The following ARG2 variants were observed in gnomAD, a reference collection of about 807,000 sequenced individuals.
The protein encoded by ARG2 is arginase 2.
Under a neutral mutation model 39.4 loss-of-function variants are expected in ARG2, and 21 were observed. That is an observed-to-expected ratio of 0.53 (90% CI 0.38 to 0.77). The LOEUF (loss-of-function observed/expected upper bound fraction) is 0.77, where lower values mean the gene tolerates loss of function less well. ARG2 is among the 30% of genes least tolerant of loss of function. ARG2 has a pLI of 0.00. For synonymous variants in ARG2, 150 were observed against 156.7 expected, an observed-to-expected ratio of 0.96 and a Z score of 0.32; for missense variants, 378 against 426.2, an observed-to-expected ratio of 0.89 and a Z score of 1.00.
chr14:67,623,534 CTTTTTTTTTTTT>C (rs60604937), intron 2 of ARG2, among the ~76,000 whole-genome samples: 2 of 82,924 alleles, frequency 2.4e-5, no homozygotes, highest in East Asian at 3.8e-4. Flanking sequence ...CTCAGGTAAC[CTTTTTTTTTTTT>C]TTTTTTTTTT....
chr14:67,620,179 G>A (rs974205672), intron 1 of ARG2, 91 bp downstream of exon 1: 3 of 915,078 alleles, frequency 3.3e-6, no homozygotes, highest in Non-Finnish European at 4.8e-6. Flanking sequence ...ACCGGGAGGC[G>A]AGGAGAGGAT....
At position 67,624,570 on chromosome 14, in the gene ARG2, A is replaced by T. The variant is rs370879567; in HGVS notation, c.184+3604A>T. Among the ~76,000 whole-genome samples, 6 of 152,250 alleles carry T rather than the reference A, an allele frequency of 3.9e-5. No individual in the cohort carries two copies. In the East Asian group the frequency reaches 5.8e-4, roughly 15 times the overall value. On this transcript the variant is annotated intron_variant, in intron 2 of 7. Transcript: ENST00000261783. ...GACAGCGAAGAGGGAGGTGATACAC[A>T]CTTTTAACCGGATCTCATGAGAACT... is the stretch of plus-strand genomic sequence containing the variant.
rs1384633967 is a variant in ARG2 at position 67,619,973 on chromosome 14, G to C, written c.-5G>C. The C allele has an allele frequency of 1.3e-6, 2 of 1,581,530 alleles. No individual in the cohort carries two copies. Among genetic ancestry groups the C allele is most frequent in the Non-Finnish European group, 1.7e-6 (2 of 1,164,050 alleles). Reference sequence around the variant, plus strand: ...CTGCCTTGGAGATTCTCAGTGCTGCGGATCATGTCCCTAAGGGGCAGCCTC... The same window carrying C: ...CTGCCTTGGAGATTCTCAGTGCTGCCGATCATGTCCCTAAGGGGCAGCCTC... On this transcript the variant is annotated 5_prime_UTR_variant, in exon 1 of 8. Transcript: ENST00000261783.
intron 2 of ARG2, among the ~76,000 whole-genome samples, chr14:67,634,255 C>G (rs1420941078): frequency 3.3e-5 from 5 of 151,994 alleles, no homozygotes; most frequent in Non-Finnish European, 7.4e-5. Context: ...ACGTATGACT[C>G]AAAGGATAAC....
chr14:67,648,186 A>C lies in ARG2; in HGVS notation c.859+3A>C. 6.2e-7 allele frequency: 1 copy of C among 1,612,466 alleles called. No individual in the cohort carries two copies. Among genetic ancestry groups the C allele is most frequent in the Non-Finnish European group, 8.5e-7 (1 of 1,178,994 alleles). On this transcript the variant is annotated splice_donor_region_variant and intron_variant, in intron 7 of 7. Coordinates refer to ENST00000261783, the MANE Select transcript of ARG2 (RefSeq NM_001172.4). ...TGCTGAGGAAATACACAATACAGGT[A>C]TGTAGCAACCAGGTCTGCAGCCTGT...
At chr14:67,628,081 G>C (rs1438174574) in intron 2 of ARG2, among the ~76,000 whole-genome samples, 1 of 152,224 alleles carries the variant, frequency 6.6e-6, no homozygotes, top group Non-Finnish European at 1.5e-5. Flanking sequence ...ACCTGTAGCA[G>C]AGGAATAGGA....
At chr14:67,633,366 T>G (rs56136087) in intron 2 of ARG2, among the ~76,000 whole-genome samples, 10,867 of 152,250 alleles carry the variant, frequency 0.071, 484 homozygotes, top group Admixed American at 0.12. Flanking sequence ...TATGACATAT[T>G]CTATGGCGAT....
chr14:67,645,897 A>G, intron 4 of ARG2, 95 bp downstream of exon 4: 3 of 1,390,938 alleles, frequency 2.2e-6, no homozygotes, highest in Non-Finnish European at 3.0e-6. Flanking sequence ...GGGTGGGTTG[A>G]GTGTGGATTA....
intron 2 of ARG2, among the ~76,000 whole-genome samples, chr14:67,627,759 A>G (rs2140722464): frequency 6.6e-6 from 1 of 152,246 alleles, no homozygotes; most frequent in South Asian, 2.1e-4. Flanking sequence ...ATGTAGCAAG[A>G]CCCCATCTCT....
intron 3 of ARG2, among the ~76,000 whole-genome samples, chr14:67,645,155 A>T (rs2037080556): frequency 2.0e-5 from 3 of 151,826 alleles, no homozygotes; most frequent in Admixed American, 2.0e-4. Context: ...TTACCTATAG[A>T]CTGTACCATT....
chr14:67,643,311 A>G (rs1939978673), intron 3 of ARG2, among the ~76,000 whole-genome samples: 1 of 152,278 alleles, frequency 6.6e-6, no homozygotes, highest in African/African-American at 2.4e-5. Context: ...TGAATTCTAC[A>G]GAATTTCAAA....
intron 2 of ARG2, among the ~76,000 whole-genome samples, chr14:67,640,104 T>C (rs752519207): frequency 3.1e-4 from 47 of 152,126 alleles, no homozygotes; most frequent in African/African-American, 1.0e-3. Flanking sequence ...CAAACCTTTT[T>C]GTCTTTTTTT....
intron 2 of ARG2, among the ~76,000 whole-genome samples, chr14:67,641,691 G>C (rs2037032755): frequency 6.6e-6 from 1 of 152,174 alleles, no homozygotes; most frequent in African/African-American, 2.4e-5. Context: ...CATAATCCCA[G>C]CACTTTGGGA....
chr14:67,620,567 G>A (rs1266498263), intron 1 of ARG2, among the ~76,000 whole-genome samples: 1 of 152,188 alleles, frequency 6.6e-6, no homozygotes, highest in Non-Finnish European at 1.5e-5. Flanking sequence ...TCCAGCGCGG[G>A]AGGTGGGGAG....
At chr14:67,621,009 A>G (rs1426273203) in intron 2 of ARG2, 43 bp downstream of exon 2, 1 of 1,569,096 alleles carries the variant, frequency 6.4e-7, no homozygotes, top group South Asian at 1.1e-5. Flanking sequence ...GACTAGTAAT[A>G]GACCACTTCA....
chr14:67,625,697 AAAAG>A (rs1335266136), intron 2 of ARG2, among the ~76,000 whole-genome samples: 2 of 149,140 alleles, frequency 1.3e-5, no homozygotes, highest in African/African-American at 4.9e-5. Context: ...AAAAAAAAAA[AAAAG>A]AAACTGGAAA....
intron 7 of ARG2, 86 bp from the exon 8 acceptor site, chr14:67,650,629 G>T (rs1594832042): frequency 2.4e-6 from 3 of 1,275,648 alleles, no homozygotes. Context: ...TTTTACTTTG[G>T]CTTGTTCTCC....
intron 2 of ARG2, among the ~76,000 whole-genome samples, chr14:67,626,829 C>T (rs1194787799): frequency 1.3e-5 from 2 of 152,092 alleles, no homozygotes; most frequent in Non-Finnish European, 2.9e-5. Flanking sequence ...CTCAAATGTA[C>T]ATTAATTGAA....
At chr14:67,622,146 A>G (rs907400210) in intron 2 of ARG2, among the ~76,000 whole-genome samples, 3 of 152,092 alleles carry the variant, frequency 2.0e-5, no homozygotes, top group African/African-American at 7.2e-5. Context: ...TCCAATCTAA[A>G]TGTTTCTAGA....
Sources: allele counts gnomAD v4.1 joint callset (sites outside exome capture counted in the v4.1 genomes callset), GRCh38; gene constraint gnomAD v4.1.1; transcripts MANE v1.5; gene names NCBI Gene and HGNC (gene_info 2026-07-23, HGNC 2026-07-21).